The following KCTD20 variants were observed in gnomAD, a reference collection of about 807,000 sequenced individuals.
KCTD20 encodes the protein potassium channel tetramerization domain containing 20.
In KCTD20, 30 loss-of-function variants were observed where a neutral mutation model predicts 39.6. The ratio of observed to expected loss-of-function variants is 0.76; its 90% CI spans 0.57 to 1.03. KCTD20 has a LOEUF of 1.03. KCTD20 is among the 50% of genes least tolerant of loss of function. KCTD20 has a pLI of 0.00. For missense variants in KCTD20, 422 were observed against 522.0 expected, an observed-to-expected ratio of 0.81 and a Z score of 1.87; for synonymous variants, 162 against 180.6, an observed-to-expected ratio of 0.90 and a Z score of 0.83.
chr6:36,474,755 C>A (rs368506059), intron 2 of KCTD20, 34 bp from the exon 3 acceptor site: 2 of 1,511,046 alleles, frequency 1.3e-6, no homozygotes, highest in Admixed American at 2.2e-5. Context: ...CTTTTGCTCT[C>A]AAGTTGTTTT....
At chr6:36,476,163 T>C (rs1776056766) in intron 3 of KCTD20, among the ~76,000 whole-genome samples, 1 of 152,260 alleles carries the variant, frequency 6.6e-6, no homozygotes. Context: ...TGGCCAACCA[T>C]AGACCTTAAC....
In KCTD20 at chr6:36,479,232, T is replaced by C. The variant is rs757926318; in HGVS notation, c.537+9T>C. 4.4e-6 allele frequency: 7 copies of C among 1,591,200 alleles called. No individual in the cohort carries two copies. Among genetic ancestry groups the C allele is most frequent in the Non-Finnish European group, 5.2e-6 (6 of 1,163,014 alleles). On this transcript the variant is annotated intron_variant, in intron 4 of 7. Transcript: ENST00000373731. ...TATTTCGCACAGTGCTGGTGTGTGG[T>C]AGCCTTTTTTGTTACATTCTCTTCC...
At chr6:36,460,328 G>T (rs370886096) in intron 1 of KCTD20, among the ~76,000 whole-genome samples, 2 of 62,684 alleles carry the variant, frequency 3.2e-5, no homozygotes. Context: ...TTTTTTTCCC[G>T]AGACTGAGCC....
At chr6:36,444,558 G>A (rs776367080) in intron 1 of KCTD20, among the ~76,000 whole-genome samples, 3 of 151,964 alleles carry the variant, frequency 2.0e-5, no homozygotes, top group Non-Finnish European at 2.9e-5. Flanking sequence ...GTCTCCCCAT[G>A]GAACCAGGGC....
intron 5 of KCTD20, among the ~76,000 whole-genome samples, chr6:36,481,337 C>T (rs1052151133): frequency 3.3e-5 from 5 of 152,134 alleles, no homozygotes; most frequent in African/African-American, 4.8e-5. Flanking sequence ...GATCAGAATG[C>T]TCAAGGATTA....
At chr6:36,471,767 G>A (rs1446596307) in intron 2 of KCTD20, among the ~76,000 whole-genome samples, 2 of 152,042 alleles carry the variant, frequency 1.3e-5, no homozygotes, top group African/African-American at 4.8e-5. Context: ...TTGGGTTTCG[G>A]AATAAACCCA....
chr6:36,478,297 C>A (rs541627895), intron 3 of KCTD20, among the ~76,000 whole-genome samples: 1 of 152,120 alleles, frequency 6.6e-6, no homozygotes, highest in Non-Finnish European at 1.5e-5. Context: ...ACAGCTCATA[C>A]ACAGAAGTGC....
intron 1 of KCTD20, 95 bp downstream of exon 1, chr6:36,443,206 G>T (rs1774926823): frequency 6.5e-6 from 1 of 152,738 alleles, no homozygotes; most frequent in East Asian, 1.9e-4. Context: ...TGGCCGAGGG[G>T]GCGTCTCCTC....
At chr6:36,443,754 A>G (rs1582285425) in intron 1 of KCTD20, 1 of 152,244 alleles carries the variant, frequency 6.6e-6, no homozygotes, top group East Asian at 1.9e-4. Flanking sequence ...CCAGTTCTGC[A>G]CTATGAGAAA....
intron 1 of KCTD20, among the ~76,000 whole-genome samples, chr6:36,449,304 T>C (rs1775160723): frequency 6.6e-6 from 1 of 152,172 alleles, no homozygotes; most frequent in African/African-American, 2.4e-5. Context: ...TATAAACCTT[T>C]AGCTAGACAC....
At chr6:36,455,103 T>C (rs1007905469) in intron 1 of KCTD20, among the ~76,000 whole-genome samples, 43 of 152,182 alleles carry the variant, frequency 2.8e-4, no homozygotes, top group Admixed American at 9.2e-4. Context: ...TGACAAAAGC[T>C]CTGCTTAACT....
intron 3 of KCTD20, among the ~76,000 whole-genome samples, chr6:36,477,330 CTA>C (rs1776092108): frequency 6.6e-6 from 1 of 152,156 alleles, no homozygotes; most frequent in Non-Finnish European, 1.5e-5. Context: ...AATATGTTCA[CTA>C]TTTTTATTCA....
chr6:36,483,996 A>G (rs569765910), intron 6 of KCTD20, among the ~76,000 whole-genome samples: 11 of 149,640 alleles, frequency 7.4e-5, no homozygotes, highest in South Asian at 2.1e-4. Flanking sequence ...CTGGAGTGCA[A>G]TGGCGTGATC....
At chr6:36,478,192 A>G (rs998039291) in intron 3 of KCTD20, among the ~76,000 whole-genome samples, 2 of 152,188 alleles carry the variant, frequency 1.3e-5, no homozygotes, top group Non-Finnish European at 2.9e-5. Context: ...AAGGAAGGAA[A>G]TGGCAGTTAA....
rs906208577 is a variant in KCTD20, at chr6:36,443,026, C to G, written c.-132C>G. ...CGCGCCGCTGCGGCACAGCCGGTCC[C>G]GGCTGCGGCTTCTGGCTGCGCGGCC... is the stretch of plus-strand genomic sequence containing the variant. On this transcript the variant is annotated 5_prime_UTR_variant, in exon 1 of 8. Transcript: ENST00000373731. 2.0e-5 allele frequency: 3 copies of G among 151,244 alleles called. No individual in the cohort carries two copies. Among genetic ancestry groups the G allele is most frequent in the South Asian group, 2.1e-4 (1 of 4,828 alleles). The allele number at this position is 151,244 out of a possible 1,614,324, so 9.4% of individuals were successfully genotyped here. A position where few individuals can be genotyped will look rare whatever the true frequency, so the allele number is the denominator to read the frequency against.
At chr6:36,468,551 TG>T (rs1775826165) in intron 1 of KCTD20, among the ~76,000 whole-genome samples, 1 of 152,224 alleles carries the variant, frequency 6.6e-6, no homozygotes, top group South Asian at 2.1e-4. Context: ...TCTTTGGTAA[TG>T]TTCTTTCCAA....
At chr6:36,486,779 T>C in intron 7 of KCTD20, 104 bp from the exon 8 acceptor site, 2 of 900,660 alleles carry the variant, frequency 2.2e-6, no homozygotes, top group African/African-American at 1.7e-5. Flanking sequence ...ATATTTTCCA[T>C]GCTGTGATTT....
intron 2 of KCTD20, among the ~76,000 whole-genome samples, chr6:36,471,419 G>A (rs1016827777): frequency 6.6e-6 from 1 of 152,108 alleles, no homozygotes; most frequent in African/African-American, 2.4e-5. Context: ...TATTGTCTAT[G>A]GCTGCCTTCC....
At chr6:36,467,370 G>A (rs1415698394) in intron 1 of KCTD20, among the ~76,000 whole-genome samples, 4 of 77,654 alleles carry the variant, frequency 5.2e-5, no homozygotes, top group African/African-American at 1.5e-4. Flanking sequence ...ACGGAGTTTC[G>A]CACTTTCGCC....
Sources: gnomAD v4.1 joint callset for allele counts (sites outside exome capture counted in the v4.1 genomes callset) on GRCh38, gnomAD v4.1.1 for gene constraint, MANE v1.5 for transcripts, NCBI Gene and HGNC (gene_info 2026-07-23, HGNC 2026-07-21) for gene names.